Variants in TTC28 observed in about 807,000 individuals in gnomAD.
The protein encoded by TTC28 is tetratricopeptide repeat domain 28, also known as tetratricopeptide repeat protein 28.
A neutral mutation model predicts 198.0 loss-of-function variants in TTC28; 61 were observed. The observed-to-expected ratio is 0.31, with a 90% CI of 0.25 to 0.38. The LOEUF (loss-of-function observed/expected upper bound fraction) is 0.38, where lower values mean the gene tolerates loss of function less well. TTC28 is among the 10% of genes least tolerant of loss of function. TTC28 has a pLI of 1.00. For synonymous variants in TTC28, 1,171 were observed against 1,297.8 expected (o/e 0.90, Z 2.10); for missense variants, 2,678 against 3,164.0 (o/e 0.85, Z 3.69).
At chr22:28,672,517 G>A (rs930126559) in intron 1 of TTC28, among the ~76,000 whole-genome samples, 3 of 152,100 alleles carry the variant, frequency 2.0e-5, no homozygotes, top group African/African-American at 7.2e-5. Flanking sequence ...GGTCAGGCTG[G>A]TCTCAATCTC....
intron 2 of TTC28, among the ~76,000 whole-genome samples, chr22:28,502,817 G>T (rs191759263): frequency 2.6e-5 from 4 of 151,984 alleles, no homozygotes; most frequent in African/African-American, 9.7e-5. Flanking sequence ...TTAAACCAAG[G>T]ATTAAAAACA....
In TTC28 at chr22:28,008,508, C is replaced by G. The variant is rs566394772; in HGVS notation, c.4218+5740G>C. ...TTCTGATCAAAGTCATTTGCTCTTGCTACCTGTCCTAGAACCTTGGTTTTT... is the reference window on the plus strand; with the variant it reads ...TTCTGATCAAAGTCATTTGCTCTTGGTACCTGTCCTAGAACCTTGGTTTTT... On this transcript the variant is annotated intron_variant, in intron 14 of 22. Coordinates refer to ENST00000397906, the MANE Select transcript of TTC28 (RefSeq NM_001145418.2). 2.0e-5 allele frequency: 3 copies of G among 152,302 alleles called. No homozygotes were observed. In the East Asian group the frequency reaches 5.8e-4, roughly 29 times the overall value. The allele number at this position is 152,302 out of a possible 1,614,324, so 9.4% of individuals were successfully genotyped here.
At chr22:28,010,092 A>T (rs1185810048) in intron 14 of TTC28, among the ~76,000 whole-genome samples, 2 of 152,198 alleles carry the variant, frequency 1.3e-5, no homozygotes, top group Non-Finnish European at 2.9e-5. Context: ...ACCTCAAGAT[A>T]GGACTGCAGC....
chr22:28,252,009 A>T (rs1930549291), intron 5 of TTC28, among the ~76,000 whole-genome samples: 1 of 152,130 alleles, frequency 6.6e-6, no homozygotes, highest in Non-Finnish European at 1.5e-5. Context: ...TATAGCGGGG[A>T]CATTACTCAG....
At position 27,983,781 on chromosome 22, in the gene TTC28, C is replaced by CT; in HGVS notation, c.5885dup (p.Ser1963ValfsTer62). On this transcript the variant is annotated frameshift_variant, in exon 23 of 23. Coordinates refer to ENST00000397906, the MANE Select transcript of TTC28 (RefSeq NM_001145418.2). LOFTEE classifies it low-confidence loss of function (END_TRUNC). ...CCAAGGGCAGGGCGTTGGAAACAGA[C>CT]TGAGCAGAAGCAAGAGACTCGAGGG... The CT allele has an allele frequency of 6.4e-7, 1 of 1,551,720 alleles. No individual in the cohort carries two copies.
intron 2 of TTC28, among the ~76,000 whole-genome samples, chr22:28,619,311 C>T (rs985436821): frequency 6.6e-6 from 1 of 152,082 alleles, no homozygotes; most frequent in African/African-American, 2.4e-5. Context: ...TAATGTTAAC[C>T]CAGATACAAA....
At chr22:28,579,020 T>G (rs1367796610) in intron 2 of TTC28, among the ~76,000 whole-genome samples, 1 of 151,938 alleles carries the variant, frequency 6.6e-6, no homozygotes, top group Admixed American at 6.6e-5. Context: ...AGTACATATA[T>G]GTATATATAC....
At chr22:28,487,053 C>G (rs1241125021) in intron 2 of TTC28, among the ~76,000 whole-genome samples, 1 of 152,108 alleles carries the variant, frequency 6.6e-6, no homozygotes, top group Non-Finnish European at 1.5e-5. Flanking sequence ...AGGCCGTCCC[C>G]AATTTTTATG....
At chr22:28,079,639 T>C (rs146330080) in intron 12 of TTC28, among the ~76,000 whole-genome samples, 5 of 152,280 alleles carry the variant, frequency 3.3e-5, no homozygotes, top group Admixed American at 6.5e-5. Context: ...TGAAATCATG[T>C]AGTATTTGTC....
At chr22:28,132,598 C>G (rs1943086017) in intron 6 of TTC28, among the ~76,000 whole-genome samples, 1 of 152,178 alleles carries the variant, frequency 6.6e-6, no homozygotes, top group African/African-American at 2.4e-5. Flanking sequence ...TCCTTTAACT[C>G]TAGCTTATAC....
rs1922205623 is a variant in TTC28, at chr22:28,167,942, C to T, written c.934-4343G>A. 5.3e-5 allele frequency among the ~76,000 whole-genome samples: 8 copies of T among 152,206 alleles called. No individual in the cohort carries two copies. In the South Asian group the frequency reaches 1.7e-3, roughly 32 times the overall value. On this transcript the variant is annotated intron_variant, in intron 5 of 22. Transcript: ENST00000397906. ...AAACCCCATCATCTCAGCCTCAAAT[C>T]TTCTTAAGCTGATAAGGAACTTCAG...
At chr22:28,249,977 C>T (rs1261562429) in intron 5 of TTC28, among the ~76,000 whole-genome samples, 1 of 152,164 alleles carries the variant, frequency 6.6e-6, no homozygotes, top group Non-Finnish European at 1.5e-5. Context: ...GGACTCTCAG[C>T]TACTTACATA....
chr22:28,310,932 A>T (rs2045245125), intron 2 of TTC28, among the ~76,000 whole-genome samples: 1 of 151,974 alleles, frequency 6.6e-6, no homozygotes, highest in Non-Finnish European at 1.5e-5. Flanking sequence ...GGTGCGCACC[A>T]CCACTCCCAG....
intron 2 of TTC28, among the ~76,000 whole-genome samples, chr22:28,461,515 T>C (rs549608621): frequency 6.6e-6 from 1 of 152,170 alleles, no homozygotes; most frequent in African/African-American, 2.4e-5. Context: ...TGGCTCACTG[T>C]AGCATCTGCC....
chr22:28,018,745 G>T (rs1358179245), intron 13 of TTC28, among the ~76,000 whole-genome samples: 1 of 152,182 alleles, frequency 6.6e-6, no homozygotes, highest in Non-Finnish European at 1.5e-5. Context: ...CCAAGGCCAA[G>T]AGCTACTGAG....
chr22:28,113,214 G>A (rs895088803), intron 6 of TTC28, among the ~76,000 whole-genome samples: 6 of 152,112 alleles, frequency 3.9e-5, no homozygotes, highest in East Asian at 1.9e-4. Flanking sequence ...TAGGGGCCTC[G>A]GTGCACCGCC....
intron 5 of TTC28, among the ~76,000 whole-genome samples, chr22:28,173,517 G>T (rs1054513511): frequency 6.6e-6 from 1 of 152,158 alleles, no homozygotes; most frequent in Non-Finnish European, 1.5e-5. Context: ...GTTGGAATAA[G>T]ACAACACTTT....
chr22:28,500,136 A>C (rs1601474943), intron 2 of TTC28, among the ~76,000 whole-genome samples: 1 of 152,138 alleles, frequency 6.6e-6, no homozygotes, highest in Admixed American at 6.5e-5. Context: ...AATCAATGTA[A>C]TTTATTTATC....
chr22:28,217,774 T>C (rs1247797993), intron 5 of TTC28, among the ~76,000 whole-genome samples: 1 of 152,240 alleles, frequency 6.6e-6, no homozygotes, highest in Non-Finnish European at 1.5e-5. Flanking sequence ...CAATGTTTAA[T>C]GTATAAGACA....
Sources: gnomAD v4.1 joint callset for allele counts (sites outside exome capture counted in the v4.1 genomes callset) on GRCh38, gnomAD v4.1.1 for gene constraint, MANE v1.5 for transcripts, NCBI Gene and HGNC (gene_info 2026-07-23, HGNC 2026-07-21) for gene names.